The following INTS6 variants were observed in gnomAD, a reference collection of about 807,000 sequenced individuals.
INTS6 encodes integrator complex subunit 6, also known as DEAD box protein.
Under a neutral mutation model 104.9 loss-of-function variants are expected in INTS6, and 16 were observed. The observed-to-expected ratio is 0.15, with a 90% CI of 0.10 to 0.23. INTS6 has a LOEUF of 0.23. INTS6 is among the 10% of genes least tolerant of loss of function. INTS6 has a pLI of 1.00. For synonymous variants in INTS6, 324 were observed against 358.7 expected (o/e 0.90, Z 1.09); for missense variants, 584 against 1,062.8 (o/e 0.55, Z 6.26).
intron 4 of INTS6, among the ~76,000 whole-genome samples, chr13:51,405,369 C>G (rs1406833896): frequency 1.3e-5 from 2 of 152,048 alleles, no homozygotes; most frequent in Non-Finnish European, 2.9e-5. Flanking sequence ...AGGAAGTGTT[C>G]AGGAAATCAG....
intron 4 of INTS6, among the ~76,000 whole-genome samples, chr13:51,403,807 C>A (rs531013810): frequency 6.6e-6 from 1 of 152,110 alleles, no homozygotes; most frequent in East Asian, 1.9e-4. Flanking sequence ...GTTTCCCCCA[C>A]AGTATTTGTC....
chr13:51,445,275 T>C (rs568519496), intron 3 of INTS6: 2 of 152,316 alleles, frequency 1.3e-5, no homozygotes, highest in Middle Eastern at 6.8e-3. Flanking sequence ...GAGACAACTT[T>C]GGCCAAGTTA....
chr13:51,405,223 C>T (rs2138008364), intron 4 of INTS6, among the ~76,000 whole-genome samples: 1 of 152,132 alleles, frequency 6.6e-6, no homozygotes, highest in Middle Eastern at 3.4e-3. Flanking sequence ...AACTTCAGAA[C>T]TGGTGGAGAA....
At chr13:51,381,006 AG>A (rs1261072984) in intron 10 of INTS6, among the ~76,000 whole-genome samples, 1 of 152,196 alleles carries the variant, frequency 6.6e-6, no homozygotes, top group Non-Finnish European at 1.5e-5. Flanking sequence ...TGAAAACGTT[AG>A]GAAAAAAAAA....
At chr13:51,400,764 AC>A (rs1294875883) in intron 4 of INTS6, among the ~76,000 whole-genome samples, 2 of 152,224 alleles carry the variant, frequency 1.3e-5, no homozygotes, top group Non-Finnish European at 2.9e-5. Flanking sequence ...GAAAATGTGG[AC>A]TAAATGACTA....
chr13:51,452,130 C>T lies in INTS6; in HGVS notation c.112-75G>A. 2 of 1,377,036 alleles carry T rather than the reference C, an allele frequency of 1.5e-6. No homozygotes were observed. The highest frequency in any genetic ancestry group is 2.0e-6 in the Non-Finnish European group (2 of 985,178). The allele number at this position is 1,377,036 out of a possible 1,614,324, so 85.3% of individuals were successfully genotyped here. ...GAGGTTACGAGGCGGAGAAGGGGCG[C>T]CCAGCGGCCCCGCCGCCCCCACAGT... On this transcript the variant is annotated intron_variant, in intron 1 of 17. Coordinates refer to ENST00000311234, the MANE Select transcript of INTS6 (RefSeq NM_012141.3). The surrounding 1 kb of genome is among the most constrained non-coding windows in gnomAD (Gnocchi z 4.2).
At chr13:51,427,334 T>C (rs191892235) in intron 4 of INTS6, among the ~76,000 whole-genome samples, 2 of 152,308 alleles carry the variant, frequency 1.3e-5, no homozygotes, top group East Asian at 3.9e-4. Context: ...GACAGTGATA[T>C]AAAGGCAAAA....
chr13:51,386,568 T>C (rs1460030277), intron 7 of INTS6, among the ~76,000 whole-genome samples: 1 of 152,156 alleles, frequency 6.6e-6, no homozygotes, highest in Non-Finnish European at 1.5e-5. Context: ...CTTTATAAAC[T>C]CAAAATAAAA....
intron 4 of INTS6, among the ~76,000 whole-genome samples, chr13:51,409,234 G>A (rs950753058): frequency 1.3e-5 from 2 of 149,548 alleles, no homozygotes; most frequent in Non-Finnish European, 3.0e-5. Context: ...CTGCACTCCA[G>A]CCTGGGTGAC....
In INTS6 at chr13:51,376,080, C is replaced by G. The variant is rs1214872325; in HGVS notation, c.1697G>C (p.Ser566Thr). 3 of 1,611,056 alleles carry G rather than the reference C, an allele frequency of 1.9e-6. No homozygotes were observed. Among genetic ancestry groups the G allele is most frequent in the Admixed American group, 3.3e-5 (2 of 59,914 alleles). Residue 566 changes from serine (S) to threonine (T), a missense_variant, in exon 13 of 18, where the codon AGC (serine) becomes ACC (threonine). Ser to Thr is a moderately conservative substitution (Grantham distance 58). This residue lies in a region of INTS6 where 296 missense variants were observed against 437.0 expected (regional missense o/e 0.68). Transcript: ENST00000311234. ...LTRMRSNLLKSTRRFLKGQDE... is the reference protein window; with the variant it reads ...LTRMRSNLLKTTRRFLKGQDE... ...CTGTCCTTTCAGAAATCTGCGAGTGCTCTTCAAAAGATTAGATCTCATTCT... is the reference window on the plus strand; with the variant it reads ...CTGTCCTTTCAGAAATCTGCGAGTGGTCTTCAAAAGATTAGATCTCATTCT...
At chr13:51,392,834 T>C (rs916930312) in intron 5 of INTS6, among the ~76,000 whole-genome samples, 1 of 152,162 alleles carries the variant, frequency 6.6e-6, no homozygotes, top group East Asian at 1.9e-4. Flanking sequence ...CTATTGTTCC[T>C]GCTGTACTCC....
intron 4 of INTS6, among the ~76,000 whole-genome samples, chr13:51,418,730 G>A (rs1390785419): frequency 6.6e-6 from 1 of 152,148 alleles, no homozygotes; most frequent in Non-Finnish European, 1.5e-5. Context: ...AGAGGAAAGA[G>A]CAATCACTTG....
intron 4 of INTS6, among the ~76,000 whole-genome samples, chr13:51,411,037 C>A (rs1226790055): frequency 1.3e-5 from 2 of 150,660 alleles, no homozygotes; most frequent in Non-Finnish European, 3.0e-5. Context: ...CATAGTGAAA[C>A]CCCGTCTCTA....
At chr13:51,334,624 T>A in the INTS6 span, among the ~76,000 whole-genome samples, 4 of 152,092 alleles carry the variant, frequency 2.6e-5, no homozygotes, top group East Asian at 7.7e-4. Context: ...TTAATAAACG[T>A]TTTTGAAAGC....
At chr13:51,347,833 G>C in the INTS6 span, among the ~76,000 whole-genome samples, 1 of 151,948 alleles carries the variant, frequency 6.6e-6, no homozygotes, top group Non-Finnish European at 1.5e-5. Flanking sequence ...TCATCAGATC[G>C]AGAAAACATA....
At chr13:51,367,993 C>T in intron 16 of INTS6, 95 bp from the exon 17 acceptor site, 1 of 603,934 alleles carries the variant, frequency 1.7e-6, no homozygotes, top group Non-Finnish European at 2.8e-6. Context: ...TTAAGATATA[C>T]TGAGATAAAA....
In INTS6 at chr13:51,361,865, C is replaced by A. The variant is rs1408252895; in HGVS notation, c.*3887G>T. 3.7e-6 allele frequency: 6 copies of A among 1,611,470 alleles called. No homozygotes were observed. Among genetic ancestry groups the A allele is most frequent in the Non-Finnish European group, 4.2e-6 (5 of 1,178,460 alleles). Reference sequence around the variant, plus strand: ...CTATTTTTAAAGCAGATCGGCCATTCATCTATTTCCTGAGAGAACCTAACA... The same window carrying A: ...CTATTTTTAAAGCAGATCGGCCATTAATCTATTTCCTGAGAGAACCTAACA... On this transcript the variant is annotated 3_prime_UTR_variant, in exon 18 of 18. Coordinates refer to ENST00000311234, the MANE Select transcript of INTS6 (RefSeq NM_012141.3).
At chr13:51,355,223 T>A in intron 3 of INTS6, 1 of 684,048 alleles carries the variant, frequency 1.5e-6, no homozygotes, top group Non-Finnish European at 2.6e-6. Context: ...GGATTCTCAT[T>A]TCAGAGTCAA....
chr13:51,384,056 A>T, intron 7 of INTS6: 1 of 185,336 alleles, frequency 5.4e-6, no homozygotes, highest in South Asian at 1.3e-4. Context: ...AACTCTCACA[A>T]GTCTTCATTT....
Sources: gnomAD v4.1 joint callset for allele counts (sites outside exome capture counted in the v4.1 genomes callset) on GRCh38, gnomAD v4.1.1 for gene constraint, gnomAD v4.1.1 regional missense constraint, Gnocchi (gnomAD v3.1) non-coding constraint, MANE v1.5 for transcripts, NCBI Gene and HGNC (gene_info 2026-07-23, HGNC 2026-07-21) for gene names.